MSI2: variants seen among roughly 807,000 people sequenced by gnomAD.
MSI2 encodes musashi RNA binding protein 2, also known as RNA-binding protein Musashi homolog 2.
A neutral mutation model predicts 45.6 loss-of-function variants in MSI2; 17 were observed. That is an observed-to-expected ratio of 0.37 (90% CI 0.26 to 0.56). MSI2 has a LOEUF of 0.56. Ranked by LOEUF, MSI2 falls within the 20% of genes least tolerant of loss-of-function variation. The pLI is 0.77. For missense variants in MSI2, 293 were observed against 444.2 expected (o/e 0.66, Z 3.06); for synonymous variants, 156 against 158.2 (o/e 0.99, Z 0.11).
intron 5 of MSI2, among the ~76,000 whole-genome samples, chr17:57,277,089 T>G (rs1356856631): frequency 6.7e-6 from 1 of 148,478 alleles, no homozygotes; most frequent in East Asian, 2.0e-4. Context: ...AAAATTCTGC[T>G]GTCTCGCCCA....
the MSI2 span, among the ~76,000 whole-genome samples, chr17:57,694,826 G>T: frequency 6.6e-6 from 1 of 152,120 alleles, no homozygotes; most frequent in Non-Finnish European, 1.5e-5. Flanking sequence ...CCAGACCTCT[G>T]GTTGCTTAAC....
rs145252738 is a variant in MSI2 at position 57,263,274 on chromosome 17, C to G, written c.312+1082C>G. Among the ~76,000 whole-genome samples, 1,040 of 152,328 alleles carry G rather than the reference C, an allele frequency of 6.8e-3. 14 individuals are homozygous for G. Among genetic ancestry groups the G allele is most frequent in the African/African-American group, 0.024 (996 of 41,570 alleles). On this transcript the variant is annotated intron_variant, in intron 5 of 13. Coordinates refer to ENST00000284073, the MANE Select transcript of MSI2 (RefSeq NM_138962.4). ...TCCTTCCTTCCCTCCTTCTTTCTCT[C>G]CCTCCCTCCTTGTTCTCTTCTCCCT...
intron 7 of MSI2, among the ~76,000 whole-genome samples, chr17:57,532,882 G>C (rs1384694675): frequency 6.6e-6 from 1 of 152,234 alleles, no homozygotes; most frequent in African/African-American, 2.4e-5. Context: ...AGCCCTGTGG[G>C]GCAGCCTGGG....
At chr17:57,301,262 G>C (rs1911395730) in intron 5 of MSI2, among the ~76,000 whole-genome samples, 1 of 152,206 alleles carries the variant, frequency 6.6e-6, no homozygotes, top group Non-Finnish European at 1.5e-5. Context: ...AAGGGAAAAA[G>C]GTGGTAGTAA....
At chr17:57,256,248 C>A (rs978989329), upstream of MSI2, among the ~76,000 whole-genome samples, 3 of 152,020 alleles carry the variant, frequency 2.0e-5, no homozygotes, top group South Asian at 6.2e-4. Context: ...TGCGCTCCCC[C>A]TCGCCCTGCG....
intron 6 of MSI2, among the ~76,000 whole-genome samples, chr17:57,457,541 C>T (rs2085138951): frequency 6.6e-6 from 1 of 152,042 alleles, no homozygotes; most frequent in Non-Finnish European, 1.5e-5. Context: ...AATTATTTTT[C>T]TCCTAGAAGA....
chr17:57,685,759 G>C (rs576504562), downstream of MSI2, among the ~76,000 whole-genome samples: 1 of 152,302 alleles, frequency 6.6e-6, no homozygotes, highest in East Asian at 1.9e-4. Context: ...TTAGGGGCAG[G>C]AGAGAAGAGT....
intron 6 of MSI2, among the ~76,000 whole-genome samples, chr17:57,503,135 A>G (rs1415425565): frequency 2.6e-5 from 4 of 152,162 alleles, no homozygotes; most frequent in African/African-American, 9.7e-5. Context: ...TGTCATATAA[A>G]TCACAGTTCA....
At chr17:57,574,106 A>G (rs2087950334) in intron 7 of MSI2, among the ~76,000 whole-genome samples, 1 of 152,126 alleles carries the variant, frequency 6.6e-6, no homozygotes, top group African/African-American at 2.4e-5. Flanking sequence ...AGGTTGGGAA[A>G]GGAACTCCAG....
Position 57,675,319 on chromosome 17 carries a change from G to A in MSI2, c.945+193G>A, listed in dbSNP as rs76428379. 3.9e-3 allele frequency among the ~76,000 whole-genome samples: 600 copies of A among 152,296 alleles called. 3 individuals carry two copies. Among genetic ancestry groups the A allele is most frequent in the African/African-American group, 0.014 (569 of 41,570 alleles). On this transcript the variant is annotated intron_variant, in intron 12 of 13. Coordinates refer to ENST00000284073, the MANE Select transcript of MSI2 (RefSeq NM_138962.4). ...TGTCCTGGGTGCCTCTCGTGTGGCT[G>A]TGTGATGGAGCAGAAGGAGCATGGG...
At chr17:57,579,663 C>T (rs1320010672) in intron 7 of MSI2, among the ~76,000 whole-genome samples, 2 of 152,198 alleles carry the variant, frequency 1.3e-5, no homozygotes, top group Non-Finnish European at 2.9e-5. Flanking sequence ...TTCTGGAACC[C>T]ACATCCTACA....
intron 8 of MSI2, among the ~76,000 whole-genome samples, chr17:57,609,270 G>A (rs1055845095): frequency 6.6e-5 from 10 of 151,986 alleles, no homozygotes; most frequent in Admixed American, 4.6e-4. Context: ...GTTAGGAAAC[G>A]CCACAGAAGG....
At chr17:57,646,495 G>A (rs1473148615) in intron 10 of MSI2, among the ~76,000 whole-genome samples, 2 of 152,166 alleles carry the variant, frequency 1.3e-5, no homozygotes, top group East Asian at 3.9e-4. Context: ...CCTCCTCCCC[G>A]CAGACAAGCT....
intron 9 of MSI2, among the ~76,000 whole-genome samples, chr17:57,624,034 CA>C (rs1178795217): frequency 6.6e-6 from 1 of 152,044 alleles, no homozygotes; most frequent in African/African-American, 2.4e-5. Flanking sequence ...GGGTGAGACC[CA>C]AAGTTGGGGT....
rs149519685 is a variant in MSI2 at position 57,465,484 on chromosome 17, G to A, written c.405+64013G>A. Among the ~76,000 whole-genome samples, 162 of 152,174 alleles carry A rather than the reference G, an allele frequency of 1.1e-3. No individual in the cohort carries two copies. In the Middle Eastern group the frequency reaches 0.02, roughly 19 times the overall value. ...TTTGTGTTTTTGTGTTTGTTTTTTCGCCATGAAATAAGTTGCCCTTGGTGT... is the reference window on the plus strand; with the variant it reads ...TTTGTGTTTTTGTGTTTGTTTTTTCACCATGAAATAAGTTGCCCTTGGTGT... On this transcript the variant is annotated intron_variant, in intron 6 of 13. Transcript: ENST00000284073.
chr17:57,592,907 C>G (rs531396042), intron 7 of MSI2, among the ~76,000 whole-genome samples: 1 of 152,108 alleles, frequency 6.6e-6, no homozygotes, highest in Non-Finnish European at 1.5e-5. Flanking sequence ...TGCAGTGGAC[C>G]AGGAAGGAGT....
intron 6 of MSI2, among the ~76,000 whole-genome samples, chr17:57,494,481 G>C (rs1567857664): frequency 6.6e-6 from 1 of 152,178 alleles, no homozygotes; most frequent in South Asian, 2.1e-4. Flanking sequence ...GGGGTATATT[G>C]TGGGGGTAAT....
At chr17:57,505,777 G>T (rs998812142) in intron 6 of MSI2, among the ~76,000 whole-genome samples, 1 of 152,138 alleles carries the variant, frequency 6.6e-6, no homozygotes, top group South Asian at 2.1e-4. Flanking sequence ...TGTAAGTCAG[G>T]GTGGAGTCGG....
intron 11 of MSI2, 63 bp from the exon 12 acceptor site, chr17:57,674,908 TG>T (rs1484172085): frequency 6.3e-7 from 1 of 1,599,494 alleles, no homozygotes; most frequent in Non-Finnish European, 8.5e-7. Context: ...CTCTATTCTC[TG>T]CACACCAGTC....
Sources: gnomAD v4.1 joint callset for allele counts (sites outside exome capture counted in the v4.1 genomes callset) on GRCh38, gnomAD v4.1.1 for gene constraint, MANE v1.5 for transcripts, NCBI Gene and HGNC (gene_info 2026-07-23, HGNC 2026-07-21) for gene names.